CNGA1: variants seen among roughly 807,000 people sequenced by gnomAD.
CNGA1 encodes cyclic nucleotide-gated channel alpha-1.
A neutral mutation model predicts 69.7 loss-of-function variants in CNGA1; 53 were observed. That is an observed-to-expected ratio of 0.76 (90% CI 0.61 to 0.96). CNGA1 has a LOEUF of 0.96. CNGA1 is among the 40% of genes least tolerant of loss of function. The pLI is 0.00. For synonymous variants in CNGA1, 249 were observed against 283.5 expected, an observed-to-expected ratio of 0.88 and a Z score of 1.22; for missense variants, 739 against 811.2, an observed-to-expected ratio of 0.91 and a Z score of 1.08.
At chr4:48,014,717 A>G (rs1261566488) in intron 1 of CNGA1, among the ~76,000 whole-genome samples, 1 of 152,208 alleles carries the variant, frequency 6.6e-6, no homozygotes, top group Non-Finnish European at 1.5e-5. Context: ...TATAAAGCAA[A>G]TATTTACAAA....
chr4:47,982,774 TA>T (rs1319222775), intron 2 of CNGA1, among the ~76,000 whole-genome samples: 2 of 152,188 alleles, frequency 1.3e-5, no homozygotes, highest in African/African-American at 4.8e-5. Context: ...TATTATTGGA[TA>T]TTTTTTCCTC....
At chr4:47,996,757 T>G (rs887746293) in intron 2 of CNGA1, among the ~76,000 whole-genome samples, 1 of 152,144 alleles carries the variant, frequency 6.6e-6, no homozygotes, top group African/African-American at 2.4e-5. Flanking sequence ...CTGAAAATTT[T>G]AAGATTTTAA....
At chr4:47,951,643 T>C (rs1272466504) in intron 4 of CNGA1, among the ~76,000 whole-genome samples, 174 bp from the exon 5 acceptor site, 1 of 152,234 alleles carries the variant, frequency 6.6e-6, no homozygotes, top group Non-Finnish European at 1.5e-5. Context: ...TACATAGAAT[T>C]ATATAAAATA....
intron 3 of CNGA1, among the ~76,000 whole-genome samples, chr4:47,973,687 TTAACTTC>T (rs1163225046): frequency 6.6e-6 from 1 of 152,014 alleles, no homozygotes; most frequent in Non-Finnish European, 1.5e-5. Flanking sequence ...CACCAACCAG[TTAACTTC>T]GGGATGTGTA....
intron 10 of CNGA1, among the ~76,000 whole-genome samples, chr4:47,939,848 G>C (rs1451724735): frequency 1.3e-5 from 2 of 152,178 alleles, no homozygotes; most frequent in African/African-American, 4.8e-5. Flanking sequence ...CGCTAGCAAT[G>C]TGCCTAATAG....
chr4:47,983,513 C>T (rs1741839148), intron 2 of CNGA1, among the ~76,000 whole-genome samples: 1 of 151,972 alleles, frequency 6.6e-6, no homozygotes, highest in Non-Finnish European at 1.5e-5. Flanking sequence ...TCACTTGAAC[C>T]CAGGAGGCAG....
chr4:47,976,307 A>G (rs1193647560), intron 3 of CNGA1, among the ~76,000 whole-genome samples: 14 of 32,418 alleles, frequency 4.3e-4, no homozygotes, highest in Non-Finnish European at 7.1e-4. Context: ...ACATACATAT[A>G]TATATACATA....
intron 3 of CNGA1, among the ~76,000 whole-genome samples, chr4:47,980,433 T>C (rs2110215840): frequency 6.6e-6 from 1 of 151,868 alleles, no homozygotes. Flanking sequence ...AAGAAAAACA[T>C]GACAGTAATT....
chr4:47,974,097 TAGATAGATAG>T (rs1741208980), intron 3 of CNGA1, among the ~76,000 whole-genome samples: 2 of 151,646 alleles, frequency 1.3e-5, no homozygotes, highest in East Asian at 4.0e-4. Flanking sequence ...GATAGATAGA[TAGATAGATAG>T]ATAGATAGAT....
chr4:48,009,586 C>A (rs548530768), intron 2 of CNGA1, among the ~76,000 whole-genome samples: 2 of 152,056 alleles, frequency 1.3e-5, no homozygotes, highest in South Asian at 4.2e-4. Context: ...GGCAGATCAC[C>A]TGAGGTCAGG....
Position 47,980,867 on chromosome 4 carries a change from T to G in CNGA1, c.-15+526A>C, listed in dbSNP as rs530235246. 9.3e-5 allele frequency among the ~76,000 whole-genome samples: 7 copies of G among 75,312 alleles called. No homozygotes were observed. In the South Asian group the frequency reaches 1.3e-3, roughly 13 times the overall value. 49.4% of individuals were successfully genotyped at this position (75,312 alleles called of 152,430 possible). ...AAATTCTAGCTCCTTCATAGAGTAGTATTGTATCCTCGGGCGAGGCACTTA... is the reference window on the plus strand; with the variant it reads ...AAATTCTAGCTCCTTCATAGAGTAGGATTGTATCCTCGGGCGAGGCACTTA... On this transcript the variant is annotated intron_variant, in intron 3 of 10. Transcript: ENST00000514170.
At chr4:47,947,299 G>C (rs1342949253) in intron 6 of CNGA1, among the ~76,000 whole-genome samples, 1 of 152,206 alleles carries the variant, frequency 6.6e-6, no homozygotes, top group Non-Finnish European at 1.5e-5. Flanking sequence ...GCCTCACTTA[G>C]AGGTGGTCTT....
At chr4:47,943,588 A>G (rs1425625558) in intron 6 of CNGA1, among the ~76,000 whole-genome samples, 176 bp from the exon 7 acceptor site, 5 of 152,154 alleles carry the variant, frequency 3.3e-5, no homozygotes. Context: ...GGGGCAGACA[A>G]TTATCCAGAT....
chr4:47,938,977 A>AAAAGAAAGAAAGAAAGAG (rs1213499835), intron 10 of CNGA1, among the ~76,000 whole-genome samples: 5 of 150,426 alleles, frequency 3.3e-5, no homozygotes, highest in Admixed American at 6.6e-5. Context: ...AGAAAGAAAG[A>AAAAGAAAGAAAGAAAGAG]AAAGAAAGAA....
intron 2 of CNGA1, among the ~76,000 whole-genome samples, chr4:48,002,612 T>C (rs1439179179): frequency 6.7e-6 from 1 of 148,308 alleles, no homozygotes; most frequent in African/African-American, 2.5e-5. Flanking sequence ...TTCTGTGGGC[T>C]GAATTGCTTC....
chr4:48,004,704 GC>G (rs1714838182), intron 2 of CNGA1, among the ~76,000 whole-genome samples: 1 of 152,132 alleles, frequency 6.6e-6, no homozygotes, highest in Non-Finnish European at 1.5e-5. Flanking sequence ...ATGCATATAG[GC>G]CACACTACTC....
intron 6 of CNGA1, among the ~76,000 whole-genome samples, chr4:47,949,271 CT>C (rs758636862): frequency 6.6e-6 from 1 of 152,166 alleles, no homozygotes; most frequent in Non-Finnish European, 1.5e-5. Flanking sequence ...CTAGGGCCAA[CT>C]TTTTTCCAAT....
At chr4:48,007,054 GAAAAA>G (rs1194444566) in intron 2 of CNGA1, among the ~76,000 whole-genome samples, 1 of 143,772 alleles carries the variant, frequency 7.0e-6, no homozygotes, top group Non-Finnish European at 1.5e-5. Flanking sequence ...TCAAGGGTTT[GAAAAA>G]AAAAAAGTGA....
At chr4:47,942,013 A>T (rs1578066684) in intron 9 of CNGA1, 28 bp downstream of exon 9, 2 of 19,338 alleles carry the variant, frequency 1.0e-4, no homozygotes, top group Non-Finnish European at 1.5e-4. Context: ...TGAGATCCAC[A>T]AAAAAAAAAA....
Sources: allele counts gnomAD v4.1 joint callset (sites outside exome capture counted in the v4.1 genomes callset), GRCh38; gene constraint gnomAD v4.1.1; transcripts MANE v1.5; gene names NCBI Gene and HGNC (gene_info 2026-07-23, HGNC 2026-07-21).